FILIP1: variants seen among roughly 807,000 people sequenced by gnomAD.
FILIP1 encodes filamin A interacting protein 1, also known as filamin-A-interacting protein 1.
In FILIP1, 61 loss-of-function variants were observed where a neutral mutation model predicts 102.1. The ratio of observed to expected loss-of-function variants is 0.60; its 90% confidence interval spans 0.49 to 0.74. The LOEUF (loss-of-function observed/expected upper bound fraction) is 0.74, where lower values mean the gene tolerates loss of function less well. FILIP1 is among the 30% of genes least tolerant of loss of function. The probability of loss-of-function intolerance (pLI) is 0.00; values close to 1 mark genes in which losing one functional copy is unlikely to be tolerated. For synonymous variants in FILIP1, 491 were observed against 526.9 expected (o/e 0.93, Z 0.93); for missense variants, 1,314 against 1,441.2 (o/e 0.91, Z 1.43).
Position 75,308,808 on chromosome 6 carries a change from G to T in FILIP1, c.3525C>A (p.Ala1175=). ...ATTTGGTCAGATTTCCTGCTCCTGGGGCTGCCACTACTGGCTTTCCTGCTT... is the reference window on the plus strand; with the variant it reads ...ATTTGGTCAGATTTCCTGCTCCTGGTGCTGCCACTACTGGCTTTCCTGCTT... ...GMKAGKPVVA[A]PGAGNLTKFE... The change falls in exon 6 of 6, where the codon GCC becomes GCA. Residue 1175 remains alanine (A), a synonymous_variant. Coordinates refer to ENST00000237172, the MANE Select transcript of FILIP1 (RefSeq NM_015687.5). 6.2e-7 allele frequency: 1 copy of T among 1,614,036 alleles called. No homozygotes were observed. Among genetic ancestry groups the T allele is most frequent in the South Asian group, 1.1e-5 (1 of 91,076 alleles).
chr6:75,351,145 C>A (rs1191016954), intron 4 of FILIP1, among the ~76,000 whole-genome samples: 1 of 152,112 alleles, frequency 6.6e-6, no homozygotes, highest in Non-Finnish European at 1.5e-5. Context: ...TGGCTCACTG[C>A]AACCTCTGCC....
At chr6:75,319,675 A>G in intron 4 of FILIP1, 1 of 341,504 alleles carries the variant, frequency 2.9e-6, no homozygotes, top group Non-Finnish European at 5.6e-6. Flanking sequence ...CTAAAAATAC[A>G]AAAAATTAGC....
At chr6:75,477,512 C>T (rs1779513717) in intron 1 of FILIP1, among the ~76,000 whole-genome samples, 2 of 151,830 alleles carry the variant, frequency 1.3e-5, no homozygotes, top group South Asian at 2.1e-4. Context: ...CAAAACATCA[C>T]ATTATACTCC....
intron 4 of FILIP1, among the ~76,000 whole-genome samples, 154 bp downstream of exon 4, chr6:75,353,385 A>G (rs1344171142): frequency 1.3e-5 from 2 of 152,148 alleles, no homozygotes; most frequent in East Asian, 3.9e-4. Flanking sequence ...ATTCTGTATC[A>G]TTCTCTATGG....
chr6:75,421,023 T>C (rs777016441), intron 1 of FILIP1, among the ~76,000 whole-genome samples: 30 of 152,208 alleles, frequency 2.0e-4, no homozygotes, highest in Non-Finnish European at 2.8e-4. Context: ...GATACACTTG[T>C]TGTTAACAGA....
At chr6:75,451,459 A>G (rs1416776342) in intron 1 of FILIP1, among the ~76,000 whole-genome samples, 2 of 152,044 alleles carry the variant, frequency 1.3e-5, no homozygotes, top group Non-Finnish European at 2.9e-5. Flanking sequence ...AATATATTTA[A>G]CCTCATACAT....
Position 75,382,917 on chromosome 6 carries a change from C to T in FILIP1, c.277-20000G>A, listed in dbSNP as rs543226848. ...GTTTATCAGCCACAAAAGCCTAAAA[C>T]ATAAAATATATTTAAACCTTTCAGG... On this transcript the variant is annotated intron_variant, in intron 2 of 5. Coordinates refer to ENST00000237172, the MANE Select transcript of FILIP1 (RefSeq NM_015687.5). Among the ~76,000 whole-genome samples, 22 of 152,298 alleles carry T rather than the reference C, an allele frequency of 1.4e-4. 1 individual carries two copies. The South Asian group carries it at 3.7e-3, about 26-fold the overall frequency.
intron 2 of FILIP1, among the ~76,000 whole-genome samples, chr6:75,372,691 GAA>G (rs1562514940): frequency 1.8e-4 from 6 of 34,050 alleles, no homozygotes; most frequent in East Asian, 1.7e-3. Flanking sequence ...GAAAGAGAAA[GAA>G]AGAGAAAGAA....
In FILIP1 at chr6:75,312,923, G is replaced by A. The variant is rs780739578; in HGVS notation, c.2909C>T (p.Thr970Ile). 6.8e-6 allele frequency: 11 copies of A among 1,614,162 alleles called. No homozygotes were observed. Among genetic ancestry groups the A allele is most frequent in the East Asian group, 4.5e-5 (2 of 44,888 alleles). The change falls in exon 5 of 6, where the codon ACT (threonine) becomes ATT (isoleucine). Residue 970 changes from threonine (T) to isoleucine (I), a missense_variant. Transcript: ENST00000237172. ...VMPQKQKSGD[T>I]TLGPERAMSP... is the part of the protein sequence containing the mutation. ...CATGGCTCGTTCTGGGCCAAGAGTA[G>A]TATCTCCACTTTTTTGTTTTTGAGG...
chr6:75,480,990 A>C (rs1336357091), intron 1 of FILIP1, among the ~76,000 whole-genome samples: 1 of 152,184 alleles, frequency 6.6e-6, no homozygotes, highest in Non-Finnish European at 1.5e-5. Context: ...CAGATGTTTG[A>C]GCTTTTCAAT....
intron 2 of FILIP1, among the ~76,000 whole-genome samples, chr6:75,410,648 G>T (rs1353671714): frequency 6.6e-6 from 1 of 152,126 alleles, no homozygotes. Context: ...AACATGTGGT[G>T]TTCGGTTGTC....
intron 2 of FILIP1, among the ~76,000 whole-genome samples, chr6:75,375,556 T>C (rs950022161): frequency 1.3e-5 from 2 of 152,208 alleles, no homozygotes; most frequent in Non-Finnish European, 2.9e-5. Flanking sequence ...CTAAAGGAGC[T>C]TGGCATTCTC....
intron 1 of FILIP1, among the ~76,000 whole-genome samples, chr6:75,415,788 C>G (rs1777247691): frequency 6.6e-6 from 1 of 152,026 alleles, no homozygotes; most frequent in Admixed American, 6.6e-5. Flanking sequence ...GGAAAAAAGA[C>G]AAAGCAGCAG....
chr6:75,310,317 A>G (rs957461043), intron 5 of FILIP1, among the ~76,000 whole-genome samples: 2 of 152,256 alleles, frequency 1.3e-5, no homozygotes, highest in African/African-American at 4.8e-5. Context: ...ACCACTAAGT[A>G]GATTCCAAAC....
chr6:75,382,980 A>G (rs1467308133), intron 2 of FILIP1, among the ~76,000 whole-genome samples: 1 of 152,234 alleles, frequency 6.6e-6, no homozygotes, highest in East Asian at 1.9e-4. Flanking sequence ...ATATATTTTG[A>G]GAGTCTTCAC....
intron 1 of FILIP1, among the ~76,000 whole-genome samples, chr6:75,434,631 A>C (rs746201804): frequency 7.2e-5 from 11 of 152,234 alleles, no homozygotes; most frequent in Non-Finnish European, 1.3e-4. Context: ...TGTCATGTGC[A>C]AACAGGGACA....
intron 4 of FILIP1, among the ~76,000 whole-genome samples, chr6:75,339,536 C>T (rs567935194): frequency 6.6e-6 from 1 of 152,306 alleles, no homozygotes; most frequent in African/African-American, 2.4e-5. Flanking sequence ...TCTTCACATT[C>T]ACTTTTTTTT....
At chr6:75,336,243 C>T (rs1034561503) in intron 4 of FILIP1, among the ~76,000 whole-genome samples, 1 of 152,110 alleles carries the variant, frequency 6.6e-6, no homozygotes, top group Non-Finnish European at 1.5e-5. Context: ...CTGGGCTTGG[C>T]ACCTACTTGG....
intron 2 of FILIP1, among the ~76,000 whole-genome samples, chr6:75,393,034 C>T (rs1776333710): frequency 6.6e-6 from 1 of 152,142 alleles, no homozygotes; most frequent in Non-Finnish European, 1.5e-5. Flanking sequence ...ATACACTGCC[C>T]TAATCCAAGT....
Sources: allele counts gnomAD v4.1 joint callset (sites outside exome capture counted in the v4.1 genomes callset), GRCh38; gene constraint gnomAD v4.1.1; transcripts MANE v1.5; gene names NCBI Gene and HGNC (gene_info 2026-07-23, HGNC 2026-07-21).